Variants in SLC4A5 observed in about 807,000 individuals in gnomAD.
SLC4A5 encodes electrogenic sodium bicarbonate cotransporter 4.
In SLC4A5, 96 loss-of-function variants were observed where a neutral mutation model predicts 120.4. That is an observed-to-expected ratio of 0.80 (90% CI 0.68 to 0.94). The LOEUF is 0.94. Ranked by LOEUF, SLC4A5 falls within the 40% of genes least tolerant of loss-of-function variation. The probability of loss-of-function intolerance (pLI) is 0.00; values close to 1 mark genes in which losing one functional copy is unlikely to be tolerated. For missense variants in SLC4A5, 1,259 were observed against 1,459.5 expected (o/e 0.86, Z 2.24); for synonymous variants, 550 against 571.1 (o/e 0.96, Z 0.53).
intron 19 of SLC4A5, among the ~76,000 whole-genome samples, chr2:74,243,204 C>T (rs1438509163): frequency 6.6e-6 from 1 of 152,196 alleles, no homozygotes; most frequent in African/African-American, 2.4e-5. Flanking sequence ...TTTCAAGGAA[C>T]CACTGTTGCC....
chr2:74,317,135 G>C (rs769494666), intron 5 of SLC4A5, among the ~76,000 whole-genome samples: 12 of 152,052 alleles, frequency 7.9e-5, no homozygotes, highest in Non-Finnish European at 1.5e-4. Context: ...CTCCTCCTTC[G>C]AAGTGCCTGT....
chr2:74,255,846 T>G lies in SLC4A5; in HGVS notation c.954A>C (p.Pro318=). The change falls in exon 13 of 31, where the codon CCA becomes CCC. Residue 318 remains proline, a synonymous_variant. Coordinates refer to ENST00000394019, the Ensembl canonical transcript of SLC4A5. This position sits in a 1 kb window ranked among gnomAD's most constrained non-coding sequence, Gnocchi z 4.0. Reference sequence around the variant, plus strand: ...GGATGAGGCGCACGAACGCGATGAATGGCTGGTCTAGGAAGTCCACCTCGC... The same window carrying G: ...GGATGAGGCGCACGAACGCGATGAAGGGCTGGTCTAGGAAGTCCACCTCGC... 1.2e-6 allele frequency: 2 copies of G among 1,614,188 alleles called. No individual in the cohort carries two copies. Among genetic ancestry groups the G allele is most frequent in the Non-Finnish European group, 1.7e-6 (2 of 1,180,026 alleles).
At chr2:74,281,770 G>A (rs1169187531) in intron 8 of SLC4A5, among the ~76,000 whole-genome samples, 1 of 152,168 alleles carries the variant, frequency 6.6e-6, no homozygotes, top group African/African-American at 2.4e-5. Flanking sequence ...TTGCGGATTT[G>A]AGATTTTCAC....
At chr2:74,285,266 C>T (rs963336896) in intron 8 of SLC4A5, among the ~76,000 whole-genome samples, 5 of 152,056 alleles carry the variant, frequency 3.3e-5, no homozygotes, top group Non-Finnish European at 5.9e-5. Flanking sequence ...ACAACAACAA[C>T]GAGAAGAATG....
intron 7 of SLC4A5, chr2:74,290,346 T>A: frequency 1.0e-6 from 1 of 985,188 alleles, no homozygotes; most frequent in South Asian, 4.7e-5. Flanking sequence ...CTTCCACAGG[T>A]CCTCTTCTTC....
chr2:74,305,721 CTTTT>C (rs35627197), intron 6 of SLC4A5, among the ~76,000 whole-genome samples: 1 of 115,336 alleles, frequency 8.7e-6, no homozygotes, highest in African/African-American at 4.2e-5. Context: ...CTTTTCTTTC[CTTTT>C]TTTTTTTTTT....
chr2:74,244,483 C>T (rs1190606267), intron 19 of SLC4A5, among the ~76,000 whole-genome samples: 2 of 79,586 alleles, frequency 2.5e-5, no homozygotes, highest in African/African-American at 9.0e-5. Context: ...TCTTTCTTCT[C>T]CTTTCTCTCT....
intron 6 of SLC4A5, among the ~76,000 whole-genome samples, chr2:74,312,934 A>T (rs898653312): frequency 3.9e-5 from 6 of 152,092 alleles, no homozygotes; most frequent in Non-Finnish European, 7.4e-5. Flanking sequence ...TTCATCTCTA[A>T]ATAAATAAAT....
intron 6 of SLC4A5, among the ~76,000 whole-genome samples, chr2:74,311,733 CTTGGTGGATATT>C (rs1672810960): frequency 5.9e-5 from 9 of 152,078 alleles, no homozygotes; most frequent in Middle Eastern, 3.4e-3. Flanking sequence ...TGTGGTCTGT[CTTGGTGGATATT>C]CTACATGAGC....
At chr2:74,239,519 A>G in exon 21 of SLC4A5, 1 of 1,613,864 alleles carries the variant, frequency 6.2e-7, no homozygotes, top group Admixed American at 1.7e-5. Flanking sequence ...CAACGCTGTG[A>G]GGTTAAGGAG....
intron 7 of SLC4A5, among the ~76,000 whole-genome samples, chr2:74,300,583 C>T (rs1178347420): frequency 2.0e-5 from 3 of 152,184 alleles, no homozygotes. Flanking sequence ...ACAGGTGTCA[C>T]CTGCTCCAGG....
chr2:74,312,015 T>C (rs548038164), intron 6 of SLC4A5, among the ~76,000 whole-genome samples: 38 of 152,330 alleles, frequency 2.5e-4, no homozygotes, highest in South Asian at 1.0e-3. Flanking sequence ...AGGACTATTA[T>C]GTTTTCCTGA....
chr2:74,308,231 G>A (rs1253553248), intron 6 of SLC4A5, among the ~76,000 whole-genome samples: 1 of 152,198 alleles, frequency 6.6e-6, no homozygotes, highest in African/African-American at 2.4e-5. Flanking sequence ...CAACTCAGTT[G>A]GGTACATACC....
intron 7 of SLC4A5, among the ~76,000 whole-genome samples, chr2:74,287,732 C>A (rs1169871591): frequency 6.6e-6 from 1 of 152,186 alleles, no homozygotes; most frequent in Non-Finnish European, 1.5e-5. Context: ...GGCATGAAAT[C>A]CATCAACATC....
At chr2:74,315,755 C>T (rs937875274) in intron 5 of SLC4A5, among the ~76,000 whole-genome samples, 12 of 151,872 alleles carry the variant, frequency 7.9e-5, no homozygotes, top group African/African-American at 2.9e-4. Context: ...AATGATTGTG[C>T]CACTGCATTA....
chr2:74,319,941 T>C (rs1013948500), intron 5 of SLC4A5, among the ~76,000 whole-genome samples: 59 of 152,288 alleles, frequency 3.9e-4, no homozygotes, highest in African/African-American at 1.4e-3. Context: ...AGAAAAGACA[T>C]TGTATTCATG....
At chr2:74,253,563 A>G (rs1220585512) in intron 14 of SLC4A5, among the ~76,000 whole-genome samples, 1 of 152,074 alleles carries the variant, frequency 6.6e-6, no homozygotes, top group Non-Finnish European at 1.5e-5. Flanking sequence ...TGACTTACAG[A>G]TTCGATGGGA....
intron 27 of SLC4A5, among the ~76,000 whole-genome samples, chr2:74,225,747 C>T (rs1486870767): frequency 1.3e-5 from 2 of 152,130 alleles, no homozygotes; most frequent in South Asian, 2.1e-4. Flanking sequence ...TGTCTCTAAC[C>T]ACTCTGTACA....
intron 30 of SLC4A5, among the ~76,000 whole-genome samples, chr2:74,219,455 A>C (rs561896969): frequency 6.6e-6 from 1 of 152,026 alleles, no homozygotes; most frequent in African/African-American, 2.4e-5. Flanking sequence ...TAGATCATTG[A>C]TGCTTAGTCT....
Sources: allele counts gnomAD v4.1 joint callset (sites outside exome capture counted in the v4.1 genomes callset), GRCh38; gene constraint gnomAD v4.1.1; non-coding constraint Gnocchi (gnomAD v3.1); transcripts MANE v1.5; gene names NCBI Gene and HGNC (gene_info 2026-07-23, HGNC 2026-07-21).